Variants in GATAD2A observed in about 807,000 individuals in gnomAD.
GATAD2A encodes the protein GATA zinc finger domain containing 2A.
In GATAD2A, 12 loss-of-function variants were observed where a neutral mutation model predicts 68.5. That is an observed-to-expected ratio of 0.18 (90% CI 0.11 to 0.28). The LOEUF (loss-of-function observed/expected upper bound fraction) is 0.28, where lower values mean the gene tolerates loss of function less well. Among genes scored for constraint, GATAD2A ranks in the 10% least tolerant of loss-of-function variants. GATAD2A has a pLI of 1.00. For missense variants in GATAD2A, 755 were observed against 868.5 expected (o/e 0.87, Z 1.64); for synonymous variants, 410 against 375.3 (o/e 1.09, Z -1.07).
intron 1 of GATAD2A, among the ~76,000 whole-genome samples, chr19:19,410,624 A>G (rs749849430): frequency 3.9e-5 from 6 of 152,218 alleles, no homozygotes; most frequent in Non-Finnish European, 7.3e-5. Context: ...CACACTTTAA[A>G]AATACTGCTG....
At chr19:19,390,783 C>T (rs1362930218) in intron 1 of GATAD2A, among the ~76,000 whole-genome samples, 1 of 152,162 alleles carries the variant, frequency 6.6e-6, no homozygotes, top group Non-Finnish European at 1.5e-5. Flanking sequence ...CAGCAGTTAC[C>T]TGGTGAGTGA....
At chr19:19,397,805 T>A (rs2049374605) in intron 1 of GATAD2A, among the ~76,000 whole-genome samples, 1 of 152,162 alleles carries the variant, frequency 6.6e-6, no homozygotes, top group South Asian at 2.1e-4. Context: ...TTACTGCAGC[T>A]TTGAACTCTT....
upstream of GATAD2A, among the ~76,000 whole-genome samples, chr19:19,400,871 G>A (rs943021995): frequency 1.3e-5 from 2 of 152,108 alleles, no homozygotes; most frequent in African/African-American, 2.4e-5. Flanking sequence ...AGTAGGGCCC[G>A]ATGTGGTGGC....
chr19:19,437,757 T>C (rs958213860), intron 1 of GATAD2A, among the ~76,000 whole-genome samples: 4 of 152,250 alleles, frequency 2.6e-5, no homozygotes, highest in Non-Finnish European at 5.9e-5. Flanking sequence ...AGTGCTTCTT[T>C]CCTTTTTATG....
chr19:19,464,067 CG>C (rs2057682260), intron 1 of GATAD2A, among the ~76,000 whole-genome samples: 1 of 152,174 alleles, frequency 6.6e-6, no homozygotes, highest in Admixed American at 6.5e-5. Context: ...AGCTTCCAGA[CG>C]GTCTGCCTGG....
chr19:19,486,775 A>G lies in GATAD2A; in HGVS notation c.270-5531A>G, dbSNP rs370654279. Among the ~76,000 whole-genome samples the G allele has an allele frequency of 1.2e-4, 18 of 152,264 alleles. No homozygotes were observed. The East Asian group carries it at 2.7e-3, about 23-fold the overall frequency. ...TCCCCCTGCAGCCAGCCGGCTGTCT[A>G]AGGTGCCCGAGCCTCCTCAGCACTG... On this transcript the variant is annotated intron_variant, in intron 2 of 11. Coordinates refer to ENST00000683918, the MANE Select transcript of GATAD2A (RefSeq NM_001384528.1).
rs1209997847 is a variant in GATAD2A, at chr19:19,506,506, G to A, written c.*1032G>A. ...AGGTGTGTGCAGGTCAGGAGGTGCC[G>A]TCCAGGTGTGCGGCGAGCCGCTGCG... On this transcript the variant is annotated 3_prime_UTR_variant, in exon 12 of 12. Transcript: ENST00000683918. The A allele has an allele frequency of 2.1e-5, 4 of 194,916 alleles. No homozygotes were observed. The highest frequency in any genetic ancestry group is 6.1e-5 in the Admixed American group (1 of 16,368). The allele number at this position is 194,916 out of a possible 1,614,324, so 12.1% of individuals were successfully genotyped here. A position where few individuals can be genotyped will look rare whatever the true frequency, so the allele number is the denominator to read the frequency against.
chr19:19,474,074 G>A (rs1325388183), intron 2 of GATAD2A: 45 of 984,888 alleles, frequency 4.6e-5, no homozygotes, highest in African/African-American at 5.2e-5. Flanking sequence ...GAGTGTGGAC[G>A]GCTTTGTTTT....
At chr19:19,500,770 G>T (rs1310155645) in intron 8 of GATAD2A, among the ~76,000 whole-genome samples, 1 of 152,236 alleles carries the variant, frequency 6.6e-6, no homozygotes, top group African/African-American at 2.4e-5. Flanking sequence ...TCCTAAGAAT[G>T]AACTGAGTAC....
intron 1 of GATAD2A, among the ~76,000 whole-genome samples, chr19:19,464,187 C>CAT (rs1235042726): frequency 8.5e-5 from 13 of 152,298 alleles, no homozygotes; most frequent in African/African-American, 3.1e-4. Flanking sequence ...AGGGCTTCAG[C>CAT]ATAGAGCATG....
intron 2 of GATAD2A, among the ~76,000 whole-genome samples, chr19:19,489,610 C>G (rs2059653934): frequency 6.6e-6 from 1 of 152,264 alleles, no homozygotes; most frequent in African/African-American, 2.4e-5. Context: ...GCAGCCCTCT[C>G]AGGCAGCTTC....
chr19:19,434,050 G>A (rs573985161), intron 1 of GATAD2A, among the ~76,000 whole-genome samples: 2 of 152,340 alleles, frequency 1.3e-5, no homozygotes, highest in South Asian at 2.1e-4. Flanking sequence ...TGTAATTAGA[G>A]GCATGAGCCA....
chr19:19,474,906 A>G (rs1021106224), intron 2 of GATAD2A, among the ~76,000 whole-genome samples: 1 of 152,214 alleles, frequency 6.6e-6, no homozygotes, highest in Non-Finnish European at 1.5e-5. Context: ...CTTGGCCTAC[A>G]CGTGTGGCTC....
intron 1 of GATAD2A, among the ~76,000 whole-genome samples, chr19:19,416,708 G>A (rs2051684994): frequency 6.6e-6 from 1 of 151,908 alleles, no homozygotes; most frequent in South Asian, 2.1e-4. Context: ...GTAGTTTTGA[G>A]CTGTTTAGCC....
chr19:19,449,273 C>T (rs2056104647), intron 1 of GATAD2A, among the ~76,000 whole-genome samples: 1 of 152,120 alleles, frequency 6.6e-6, no homozygotes, highest in South Asian at 2.1e-4. Context: ...CCCAAAACAG[C>T]TTTGCTCTGC....
At chr19:19,411,470 T>C (rs2050914363) in intron 1 of GATAD2A, among the ~76,000 whole-genome samples, 1 of 152,138 alleles carries the variant, frequency 6.6e-6, no homozygotes, top group Non-Finnish European at 1.5e-5. Context: ...GAGTGGACTC[T>C]GGGTGGAGGC....
chr19:19,458,084 G>C (rs569149032), intron 1 of GATAD2A, among the ~76,000 whole-genome samples: 1 of 152,338 alleles, frequency 6.6e-6, no homozygotes, highest in East Asian at 1.9e-4. Flanking sequence ...TAACATGAGA[G>C]AGAGAAGATG....
chr19:19,463,111 G>A (rs748881169), intron 1 of GATAD2A, among the ~76,000 whole-genome samples: 3 of 152,114 alleles, frequency 2.0e-5, no homozygotes, highest in Middle Eastern at 3.2e-3. Flanking sequence ...TTACTTGTCC[G>A]AGGTCCTGGC....
intron 1 of GATAD2A, among the ~76,000 whole-genome samples, chr19:19,393,839 G>A (rs1428294074): frequency 6.6e-6 from 1 of 151,924 alleles, no homozygotes; most frequent in African/African-American, 2.4e-5. Flanking sequence ...TTGGAGAAAC[G>A]AGAGAAACTA....
Sources: gnomAD v4.1 joint callset for allele counts (sites outside exome capture counted in the v4.1 genomes callset) on GRCh38, gnomAD v4.1.1 for gene constraint, MANE v1.5 for transcripts, NCBI Gene and HGNC (gene_info 2026-07-23, HGNC 2026-07-21) for gene names.